Variants in PRLR observed in about 807,000 individuals in gnomAD.
PRLR encodes the protein prolactin receptor.
A neutral mutation model predicts 40.2 loss-of-function variants in PRLR; 13 were observed. The observed-to-expected ratio is 0.32, with a 90% CI of 0.21 to 0.51. PRLR has a LOEUF of 0.51. Ranked by LOEUF, PRLR falls within the 20% of genes least tolerant of loss-of-function variation. The pLI, the probability that PRLR is intolerant of heterozygous loss-of-function variation, is 0.97. For missense variants in PRLR, 656 were observed against 747.3 expected, an observed-to-expected ratio of 0.88 and a Z score of 1.42; for synonymous variants, 269 against 278.7, an observed-to-expected ratio of 0.97 and a Z score of 0.35.
At chr5:35,108,006 C>T (rs562639721) in intron 2 of PRLR, among the ~76,000 whole-genome samples, 1 of 152,160 alleles carries the variant, frequency 6.6e-6, no homozygotes, top group Non-Finnish European at 1.5e-5. Context: ...TCCAGCAGCA[C>T]ATCAAAAAGC....
At chr5:35,122,736 G>A (rs1773332901) in intron 1 of PRLR, among the ~76,000 whole-genome samples, 1 of 152,338 alleles carries the variant, frequency 6.6e-6, no homozygotes, top group African/African-American at 2.4e-5. Context: ...TGAAAAGGAA[G>A]TTTATCCAAT....
At chr5:35,101,568 A>G (rs908081936) in intron 2 of PRLR, among the ~76,000 whole-genome samples, 1 of 152,150 alleles carries the variant, frequency 6.6e-6, no homozygotes, top group Non-Finnish European at 1.5e-5. Context: ...TCAACTAGCA[A>G]GGCAATAATA....
chr5:35,140,492 T>C (rs1773988542), intron 1 of PRLR, among the ~76,000 whole-genome samples: 1 of 152,240 alleles, frequency 6.6e-6, no homozygotes, highest in Admixed American at 6.5e-5. Flanking sequence ...CACTTCTTGG[T>C]TGGGTTGTCT....
At chr5:35,139,058 C>T (rs1243549342) in intron 1 of PRLR, among the ~76,000 whole-genome samples, 1 of 152,118 alleles carries the variant, frequency 6.6e-6, no homozygotes, top group East Asian at 1.9e-4. Flanking sequence ...GGAATATTTT[C>T]CATGCAGTTA....
intron 3 of PRLR, among the ~76,000 whole-genome samples, chr5:35,088,747 G>T (rs1225510389): frequency 6.6e-6 from 1 of 151,960 alleles, no homozygotes; most frequent in African/African-American, 2.4e-5. Context: ...CACAGAGCCC[G>T]CATCAAAAGT....
At chr5:35,143,941 G>A (rs1774098333) in intron 1 of PRLR, among the ~76,000 whole-genome samples, 1 of 151,370 alleles carries the variant, frequency 6.6e-6, no homozygotes, top group Non-Finnish European at 1.5e-5. Context: ...AAAATCATGG[G>A]CCCGATCATA....
chr5:35,171,420 G>T (rs1774993432), intron 1 of PRLR, among the ~76,000 whole-genome samples: 2 of 152,190 alleles, frequency 1.3e-5, no homozygotes, highest in South Asian at 4.1e-4. Context: ...AGAGTGGCCT[G>T]TGTTTTTTTA....
rs1768808187 is a variant in PRLR at position 35,057,852 on chromosome 5, T to A, written c.*7237A>T. ...TAAATGGCTGACTTTTCCCATATCA[T>A]ACTATGTTTGATGACTAAAATCAAA... On this transcript the variant is annotated 3_prime_UTR_variant, in exon 10 of 10. Coordinates refer to ENST00000618457, the MANE Select transcript of PRLR (RefSeq NM_000949.7). 1 of 152,176 alleles carries A rather than the reference T, an allele frequency of 6.6e-6. No homozygotes were observed. Among genetic ancestry groups the A allele is most frequent in the Admixed American group, 6.5e-5 (1 of 15,278 alleles). 9.4% of individuals were successfully genotyped at this position (152,176 alleles called of 1,614,324 possible). A position where few individuals can be genotyped will look rare whatever the true frequency, so the allele number is the denominator to read the frequency against.
At chr5:35,221,219 C>T (rs781598894) in intron 1 of PRLR, among the ~76,000 whole-genome samples, 15 of 152,168 alleles carry the variant, frequency 9.9e-5, no homozygotes, top group Non-Finnish European at 2.1e-4. Context: ...AGTTAATTGG[C>T]TTTAAAATGG....
intron 1 of PRLR, among the ~76,000 whole-genome samples, chr5:35,208,039 G>A (rs72734586): frequency 0.13 from 19,072 of 152,084 alleles, 1,477 homozygotes; most frequent in Admixed American, 0.16. Context: ...TGCTTGTCCA[G>A]TGAAAAGGGA....
chr5:35,084,552 C>T lies in PRLR; in HGVS notation c.291G>A (p.Arg97=). ...TGGCATTGACCATCATGATGTATGT[C>T]CTCCACATGGAGGTGTACTGCTTGC... ...HFGKQYTSMW[R]TYIMMVNATN... The change falls in exon 5 of 10, where the codon AGG becomes AGA. Residue 97 remains arginine (R), a synonymous_variant. Coordinates refer to ENST00000618457, the MANE Select transcript of PRLR (RefSeq NM_000949.7). The T allele has an allele frequency of 1.2e-6, 2 of 1,606,522 alleles. No homozygotes were observed. Among genetic ancestry groups the T allele is most frequent in the Non-Finnish European group, 8.5e-7 (1 of 1,177,812 alleles).
rs200582882 is a variant in PRLR, at chr5:35,065,802, G to T, written c.1156C>A (p.Pro386Thr). The T allele has an allele frequency of 6.2e-7, 1 of 1,614,124 alleles. No homozygotes were observed. The highest frequency in any genetic ancestry group is 8.5e-7 in the Non-Finnish European group (1 of 1,180,024). Reference protein sequence around the residue: ...DPEVIEKPENPETTHTWDPQC... With the variant: ...DPEVIEKPENTETTHTWDPQC... The stretch of plus-strand genomic sequence containing the variant: ...GGGTCCCAGGTGTGGGTTGTTTCAG[G>T]ATTCTCTGGCTTCTCAATGACCTCA... Residue 386 changes from proline to threonine, a missense_variant, in exon 10 of 10, where the codon CCT (proline) becomes ACT (threonine). Physicochemically the swap from Pro to Thr is conservative, Grantham distance 38. Around this residue, in one of 3 missense-constraint regions of PRLR, gnomAD observed 469 missense variants for 491.5 expected, o/e 0.95. Transcript: ENST00000618457.
At chr5:35,090,452 C>T (rs1412928819) in intron 2 of PRLR, among the ~76,000 whole-genome samples, 1 of 151,972 alleles carries the variant, frequency 6.6e-6, no homozygotes, top group Non-Finnish European at 1.5e-5. Flanking sequence ...TTTTTAAAGA[C>T]ATTTGGAAAA....
rs374595465 is a variant in PRLR, at chr5:35,086,544, T to TA, written c.71-205dup. Among the ~76,000 whole-genome samples, 233 of 151,182 alleles carry TA rather than the reference T, an allele frequency of 1.5e-3. 2 individuals carry two copies. The highest frequency in any genetic ancestry group is 5.2e-3 in the African/African-American group (213 of 40,624). ...GCTGCCCTGATGTTGGCATTGCTCTTAGAGAGCATTTTGCTGGTGTGTGTG... is the reference window on the plus strand; with the variant it reads ...GCTGCCCTGATGTTGGCATTGCTCTTAAGAGAGCATTTTGCTGGTGTGTGTG... On this transcript the variant is annotated intron_variant, in intron 3 of 9. Coordinates refer to ENST00000618457, the MANE Select transcript of PRLR (RefSeq NM_000949.7).
At chr5:35,140,034 A>C (rs1330306532) in intron 1 of PRLR, among the ~76,000 whole-genome samples, 2 of 152,250 alleles carry the variant, frequency 1.3e-5, no homozygotes, top group African/African-American at 4.8e-5. Flanking sequence ...TAGAATTAAC[A>C]CATGAATTTT....
In PRLR at chr5:35,068,122, C is replaced by T. The variant is rs1769491808; in HGVS notation, c.855+94G>A. 2.5e-6 allele frequency: 3 copies of T among 1,205,066 alleles called. No homozygotes were observed. The South Asian group carries it at 3.7e-5, about 15-fold the overall frequency. The allele number at this position is 1,205,066 out of a possible 1,614,324, so 74.6% of individuals were successfully genotyped here. ...AGTCCAAAAAGGCTGGCTGAAACTA[C>T]CAGGCTGAACTGACGGGGACTGTGT... is the stretch of plus-strand genomic sequence containing the variant. On this transcript the variant is annotated intron_variant, in intron 9 of 9. Coordinates refer to ENST00000618457, the MANE Select transcript of PRLR (RefSeq NM_000949.7).
At chr5:35,071,473 T>C (rs1216687485) in intron 6 of PRLR, among the ~76,000 whole-genome samples, 1 of 152,262 alleles carries the variant, frequency 6.6e-6, no homozygotes, top group Non-Finnish European at 1.5e-5. Flanking sequence ...TCCTATTATT[T>C]TGGCTATGTT....
At position 35,057,615 on chromosome 5, in the gene PRLR, G is replaced by A. The variant is rs1768796152; in HGVS notation, c.*7474C>T. ...TATTGACAAAGATTTAACTACCCAT[G>A]TTGTCCCCTCAAAATAGGAGGAGAT... On this transcript the variant is annotated 3_prime_UTR_variant, in exon 10 of 10. Coordinates refer to ENST00000618457, the MANE Select transcript of PRLR (RefSeq NM_000949.7). 1 of 152,138 alleles carries A rather than the reference G, an allele frequency of 6.6e-6. No individual in the cohort carries two copies. Among genetic ancestry groups the A allele is most frequent in the Admixed American group, 6.6e-5 (1 of 15,246 alleles). The allele number at this position is 152,138 out of a possible 1,614,324, so 9.4% of individuals were successfully genotyped here.
At chr5:35,154,028 T>C (rs1328197222) in intron 1 of PRLR, among the ~76,000 whole-genome samples, 1 of 152,202 alleles carries the variant, frequency 6.6e-6, no homozygotes, top group African/African-American at 2.4e-5. Flanking sequence ...GATAATAATT[T>C]TCTCAGATCC....
Sources: gnomAD v4.1 joint callset for allele counts (sites outside exome capture counted in the v4.1 genomes callset) on GRCh38, gnomAD v4.1.1 for gene constraint, gnomAD v4.1.1 regional missense constraint, MANE v1.5 for transcripts, NCBI Gene and HGNC (gene_info 2026-07-23, HGNC 2026-07-21) for gene names.